CLIP4: variants seen among roughly 807,000 people sequenced by gnomAD.
The protein encoded by CLIP4 is CAP-Gly domain-containing linker protein 4.
In CLIP4, 47 loss-of-function variants were observed where a neutral mutation model predicts 73.1. The ratio of observed to expected loss-of-function variants is 0.64; its 90% CI spans 0.51 to 0.82. CLIP4 has a LOEUF of 0.82. Ranked by LOEUF, CLIP4 falls within the 40% of genes least tolerant of loss-of-function variation. The pLI is 0.00. For synonymous variants in CLIP4, 306 were observed against 295.4 expected, an observed-to-expected ratio of 1.04 and a Z score of -0.37; for missense variants, 874 against 852.9, an observed-to-expected ratio of 1.02 and a Z score of -0.31.
In CLIP4 at chr2:29,182,322, TTC is replaced by T; in HGVS notation, c.*431_*432del. The T allele has an allele frequency of 6.5e-6, 1 of 154,206 alleles. No homozygotes were observed. The highest frequency in any genetic ancestry group is 1.4e-5 in the Non-Finnish European group (1 of 69,162). The allele number at this position is 154,206 out of a possible 1,614,324, so 9.6% of individuals were successfully genotyped here. A position where few individuals can be genotyped will look rare whatever the true frequency, so the allele number is the denominator to read the frequency against. The stretch of plus-strand genomic sequence containing the variant: ...TGTCAATCATTTTTGGAATTTTTCT[TTC>T]TTTCTGTGCTTTATTACTAATAAGT... On this transcript the variant is annotated 3_prime_UTR_variant, in exon 16 of 16. Transcript: ENST00000320081.
At chr2:29,164,213 T>C (rs1667463006) in intron 13 of CLIP4, among the ~76,000 whole-genome samples, 1 of 152,210 alleles carries the variant, frequency 6.6e-6, no homozygotes, top group Admixed American at 6.5e-5. Context: ...AAGTGGCGTT[T>C]GCAGCTAAGT....
chr2:29,138,200 G>T (rs187997664), intron 6 of CLIP4, among the ~76,000 whole-genome samples: 75 of 152,100 alleles, frequency 4.9e-4, no homozygotes, highest in Middle Eastern at 3.4e-3. Context: ...AGTAGTGGGG[G>T]TCCAGTTTCA....
intron 1 of CLIP4, among the ~76,000 whole-genome samples, chr2:29,101,030 C>A (rs554983792): frequency 2.1e-4 from 32 of 152,102 alleles, no homozygotes; most frequent in Admixed American, 9.8e-4. Context: ...GTGGTTCACA[C>A]CTGTAATTCC....
upstream of CLIP4, chr2:29,114,234 C>T (rs1043810262): frequency 6.6e-6 from 1 of 152,246 alleles, no homozygotes; most frequent in Non-Finnish European, 1.5e-5. Flanking sequence ...TGGCAGGCCA[C>T]CCACTCATTC....
chr2:29,167,602 T>G, intron 14 of CLIP4, 62 bp downstream of exon 14: 1 of 1,306,030 alleles, frequency 7.7e-7, no homozygotes, highest in Admixed American at 2.1e-5. Flanking sequence ...ATTGAAAAAT[T>G]TTTATTATGA....
Position 29,143,798 on chromosome 2 carries a change from A to C in CLIP4, c.738A>C (p.Glu246Asp), listed in dbSNP as rs556428249. The change falls in exon 7 of 16, where the codon GAA (glutamate) becomes GAC (aspartate). Residue 246 changes from glutamate to aspartate, a missense_variant. Transcript: ENST00000320081. Reference sequence around the variant, plus strand: ...CTGACGCCGCAGCCACTGCTAAGGAAATCAAGCAGATGCTTCTAGATGCGG... The same window carrying C: ...CTGACGCCGCAGCCACTGCTAAGGACATCAAGCAGATGCTTCTAGATGCGG... ...EMADAAATAK[E>D]IKQMLLDAVP... 2.4e-5 allele frequency: 39 copies of C among 1,614,160 alleles called. No individual in the cohort carries two copies. In the South Asian group the frequency reaches 4.3e-4, roughly 18 times the overall value.
At chr2:29,145,043 C>G (rs1355894180) in intron 7 of CLIP4, among the ~76,000 whole-genome samples, 189 bp from the exon 8 acceptor site, 1 of 151,410 alleles carries the variant, frequency 6.6e-6, no homozygotes, top group Non-Finnish European at 1.5e-5. Flanking sequence ...TGGTAATGTT[C>G]CTGGCTCTGA....
At chr2:29,119,031 T>C (rs1222982023) in intron 1 of CLIP4, among the ~76,000 whole-genome samples, 1 of 152,204 alleles carries the variant, frequency 6.6e-6, no homozygotes, top group Non-Finnish European at 1.5e-5. Context: ...TTTATAGGGG[T>C]ACATAGTTTC....
intron 14 of CLIP4, 138 bp from the exon 15 acceptor site, chr2:29,174,233 TGA>T: frequency 1.3e-6 from 1 of 741,740 alleles, no homozygotes; most frequent in Non-Finnish European, 2.2e-6. Flanking sequence ...ATTACAGGTG[TGA>T]GCCACCATGC....
intron 14 of CLIP4, among the ~76,000 whole-genome samples, chr2:29,171,674 A>G (rs2148094037): frequency 6.6e-6 from 1 of 151,524 alleles, no homozygotes; most frequent in South Asian, 2.1e-4. Context: ...ACCCACCACC[A>G]CGCCCGGCTA....
In CLIP4 at chr2:29,115,944, C is replaced by T. The variant is rs1327580342; in HGVS notation, c.-16+279C>T. 1.3e-5 allele frequency among the ~76,000 whole-genome samples: 2 copies of T among 152,078 alleles called. No homozygotes were observed. Among genetic ancestry groups the T allele is most frequent in the Non-Finnish European group, 2.9e-5 (2 of 67,968 alleles). ...CGGCCCAACTTTAGGTTGAGGGGCG[C>T]GGGGTGTGCGGGACCCGGCGGCGGA... On this transcript the variant is annotated intron_variant, in intron 1 of 15. Coordinates refer to ENST00000320081, the MANE Select transcript of CLIP4 (RefSeq NM_024692.6). The surrounding 1 kb of genome is among the most constrained non-coding windows in gnomAD (Gnocchi z 5.1).
chr2:29,143,270 A>C (rs1194080794), intron 6 of CLIP4, among the ~76,000 whole-genome samples: 2 of 144,134 alleles, frequency 1.4e-5, no homozygotes. Flanking sequence ...GAGAACCTGC[A>C]CAGCTCCTCC....
At chr2:29,105,757 G>A (rs1020914636) in intron 1 of CLIP4, among the ~76,000 whole-genome samples, 3 of 152,322 alleles carry the variant, frequency 2.0e-5, no homozygotes, top group Admixed American at 6.5e-5. Context: ...AGAGACCTCA[G>A]AGAGCTCCTT....
At chr2:29,161,594 C>T (rs1323878503) in intron 12 of CLIP4, among the ~76,000 whole-genome samples, 3 of 152,158 alleles carry the variant, frequency 2.0e-5, no homozygotes, top group Non-Finnish European at 2.9e-5. Context: ...TACTCACAGT[C>T]ATAGCAGTAG....
intron 14 of CLIP4, among the ~76,000 whole-genome samples, chr2:29,174,139 GAT>G (rs778961855): frequency 6.6e-6 from 1 of 151,374 alleles, no homozygotes; most frequent in Non-Finnish European, 1.5e-5. Context: ...TTTTTAATGA[GAT>G]AGGATCTCAC....
intron 1 of CLIP4, among the ~76,000 whole-genome samples, chr2:29,118,587 C>T (rs921072786): frequency 1.3e-4 from 19 of 149,820 alleles, no homozygotes; most frequent in African/African-American, 4.5e-4. Context: ...GGCGGGATCT[C>T]GGCTTACCGC....
Position 29,152,678 on chromosome 2 carries a change from C to A in CLIP4, c.1022-7C>A. On this transcript the variant is annotated splice_region_variant and splice_polypyrimidine_tract_variant and intron_variant, in intron 8 of 15. Coordinates refer to ENST00000320081, the MANE Select transcript of CLIP4 (RefSeq NM_024692.6). The stretch of plus-strand genomic sequence containing the variant: ...GTTTAACACTAAAATTCTGCATTCT[C>A]CCTTAGGTATTTTTGCACCTCTTTC... 1 of 1,612,206 alleles carries A rather than the reference C, an allele frequency of 6.2e-7. No individual in the cohort carries two copies. Among genetic ancestry groups the A allele is most frequent in the Non-Finnish European group, 8.5e-7 (1 of 1,179,234 alleles).
chr2:29,160,370 C>A lies in CLIP4; in HGVS notation c.1437C>A (p.Ser479Arg). ...NSSATSTANN[S>R]RCEGELRLGE... ...CAGCAACATCTACAGCAAATAATAG[C>A]CGTTGCGAGGGGGAACTCCGCCTCG... Residue 479 changes from serine (S) to arginine (R), a missense_variant, in exon 12 of 16, where the codon AGC becomes AGA. Coordinates refer to ENST00000320081, the MANE Select transcript of CLIP4 (RefSeq NM_024692.6). The A allele has an allele frequency of 6.2e-7, 1 of 1,614,076 alleles. No homozygotes were observed. The highest frequency in any genetic ancestry group is 8.5e-7 in the Non-Finnish European group (1 of 1,179,982).
chr2:29,118,517 AT>A (rs34856696), intron 1 of CLIP4, among the ~76,000 whole-genome samples: 11,714 of 138,862 alleles, frequency 0.084, 516 homozygotes, highest in East Asian at 0.24. Context: ...ATTAGTGCCA[AT>A]TTTTTTTTTT....
Sources: gnomAD v4.1 joint callset for allele counts (sites outside exome capture counted in the v4.1 genomes callset) on GRCh38, gnomAD v4.1.1 for gene constraint, Gnocchi (gnomAD v3.1) non-coding constraint, MANE v1.5 for transcripts, NCBI Gene and HGNC (gene_info 2026-07-23, HGNC 2026-07-21) for gene names.